Variants in UHRF2 observed in about 807,000 individuals in gnomAD.
The protein encoded by UHRF2 is ubiquitin like with PHD and ring finger domains 2, also known as E3 ubiquitin-protein ligase UHRF2.
A neutral mutation model predicts 96.8 loss-of-function variants in UHRF2; 23 were observed. The ratio of observed to expected loss-of-function variants is 0.24; its 90% CI spans 0.17 to 0.34. UHRF2 has a LOEUF of 0.34. Ranked by LOEUF, UHRF2 falls within the 10% of genes least tolerant of loss-of-function variation. UHRF2 has a pLI of 1.00. For synonymous variants in UHRF2, 385 were observed against 332.6 expected (o/e 1.16, Z -1.72); for missense variants, 685 against 981.5 (o/e 0.70, Z 4.04).
chr9:6,487,393 T>G (rs34905133), intron 9 of UHRF2, among the ~76,000 whole-genome samples: 4,746 of 151,738 alleles, frequency 0.031, 96 homozygotes, highest in Middle Eastern at 0.071. Context: ...TGAGGCGGAG[T>G]TTTACTCTTG....
At chr9:6,476,753 C>A (rs1823597841) in intron 5 of UHRF2, among the ~76,000 whole-genome samples, 1 of 152,028 alleles carries the variant, frequency 6.6e-6, no homozygotes, top group Non-Finnish European at 1.5e-5. Context: ...CACCACCATG[C>A]CTGGCTAACT....
At chr9:6,424,423 C>A (rs937519666) in intron 2 of UHRF2, among the ~76,000 whole-genome samples, 1 of 152,148 alleles carries the variant, frequency 6.6e-6, no homozygotes, top group Non-Finnish European at 1.5e-5. Context: ...CCATTTTTTT[C>A]TATATTACTC....
intron 3 of UHRF2, among the ~76,000 whole-genome samples, chr9:6,435,899 A>G (rs1285747704): frequency 2.6e-5 from 4 of 152,204 alleles, no homozygotes; most frequent in Non-Finnish European, 4.4e-5. Flanking sequence ...CTGAGCCACC[A>G]CGACCGGCCC....
chr9:6,492,456 G>A lies in UHRF2; in HGVS notation c.1498-1370G>A, dbSNP rs574235147. On this transcript the variant is annotated intron_variant, in intron 9 of 15. Coordinates refer to ENST00000276893, the MANE Select transcript of UHRF2 (RefSeq NM_152896.3). ...GAATACATACTAAAGATTAAGTTTC[G>A]TAATACCTTGTTTAAAAAATATGTA... 4.3e-4 allele frequency: 308 copies of A among 713,816 alleles called. 2 individuals are homozygous for A. The highest frequency in any genetic ancestry group is 9.6e-4 in the Middle Eastern group (2 of 2,094). 44.2% of individuals were successfully genotyped at this position (713,816 alleles called of 1,614,324 possible). A position where few individuals can be genotyped will look rare whatever the true frequency, so the allele number is the denominator to read the frequency against.
intron 3 of UHRF2, among the ~76,000 whole-genome samples, chr9:6,446,608 G>T (rs1821520140): frequency 6.6e-6 from 1 of 151,944 alleles, no homozygotes; most frequent in East Asian, 2.0e-4. Flanking sequence ...CAGCAGTTTG[G>T]GAGGCCAAGG....
rs193029979 is a variant in UHRF2, at chr9:6,476,636, C to A, written c.974-986C>A. On this transcript the variant is annotated intron_variant, in intron 5 of 15. Transcript: ENST00000276893. ...TTTGAGACAGTTTTGCTCTTGTTGCCCAGGCTGGAGTGCAGTGGCGCAATC... is the reference window on the plus strand; with the variant it reads ...TTTGAGACAGTTTTGCTCTTGTTGCACAGGCTGGAGTGCAGTGGCGCAATC... Among the ~76,000 whole-genome samples the A allele has an allele frequency of 9.2e-5, 14 of 152,124 alleles. No individual in the cohort carries two copies. The East Asian group carries it at 1.7e-3, about 19-fold the overall frequency.
intron 3 of UHRF2, among the ~76,000 whole-genome samples, chr9:6,445,124 CT>C (rs34219217): frequency 0.99 from 135,094 of 136,446 alleles, 66,887 homozygotes; most frequent in South Asian, 1. Flanking sequence ...AACCCTATCT[CT>C]TATTTAAAAA....
At chr9:6,475,816 A>G (rs1823533677) in intron 5 of UHRF2, among the ~76,000 whole-genome samples, 1 of 152,200 alleles carries the variant, frequency 6.6e-6, no homozygotes, top group Non-Finnish European at 1.5e-5. Flanking sequence ...TACAGTGTGT[A>G]AATGATCAAA....
chr9:6,466,353 C>T (rs142920195), intron 4 of UHRF2, among the ~76,000 whole-genome samples: 171 of 152,090 alleles, frequency 1.1e-3, no homozygotes, highest in African/African-American at 4.1e-3. Context: ...ACCTGGGCAA[C>T]GTGGTGAAAC....
At chr9:6,450,062 T>TC (rs1403707989) in intron 3 of UHRF2, among the ~76,000 whole-genome samples, 1 of 152,004 alleles carries the variant, frequency 6.6e-6, no homozygotes, top group Non-Finnish European at 1.5e-5. Context: ...TGTAGAGGAG[T>TC]CCTGTGAGTT....
At chr9:6,449,881 T>C (rs1821746374) in intron 3 of UHRF2, among the ~76,000 whole-genome samples, 2 of 152,248 alleles carry the variant, frequency 1.3e-5, no homozygotes, top group African/African-American at 4.8e-5. Flanking sequence ...GCATTAAGCA[T>C]GCCCTGTGTG....
chr9:6,446,901 T>A (rs907512587), intron 3 of UHRF2, among the ~76,000 whole-genome samples: 4 of 152,050 alleles, frequency 2.6e-5, no homozygotes, highest in South Asian at 4.2e-4. Flanking sequence ...GCATACTTTT[T>A]GTTTTGAGAC....
At chr9:6,441,358 G>A (rs934935961) in intron 3 of UHRF2, among the ~76,000 whole-genome samples, 1 of 151,304 alleles carries the variant, frequency 6.6e-6, no homozygotes, top group Non-Finnish European at 1.5e-5. Flanking sequence ...TGGGTGACAC[G>A]GTGAAAACCT....
chr9:6,500,231 G>C (rs886527029), intron 13 of UHRF2, among the ~76,000 whole-genome samples: 1 of 152,126 alleles, frequency 6.6e-6, no homozygotes, highest in Admixed American at 6.5e-5. Flanking sequence ...GCCTCCTAAA[G>C]TGCTGGGATT....
chr9:6,440,993 TA>T (rs2130788701), intron 3 of UHRF2, among the ~76,000 whole-genome samples: 1 of 152,354 alleles, frequency 6.6e-6, no homozygotes, highest in East Asian at 1.9e-4. Context: ...CCTATGATTC[TA>T]ATGTCTAGCC....
chr9:6,485,741 A>G (rs766471275), intron 8 of UHRF2, among the ~76,000 whole-genome samples: 1 of 128,608 alleles, frequency 7.8e-6, no homozygotes, highest in Non-Finnish European at 1.6e-5. Flanking sequence ...AGGCTGGAGG[A>G]TTGCTTGAGC....
intron 1 of UHRF2, among the ~76,000 whole-genome samples, chr9:6,420,291 GTCATCTGC>G (rs1323973188): frequency 1.3e-5 from 2 of 151,780 alleles, no homozygotes; most frequent in East Asian, 3.9e-4. Context: ...TCCTGACCTC[GTCATCTGC>G]TCTTTTCGGC....
intron 1 of UHRF2, among the ~76,000 whole-genome samples, chr9:6,416,890 T>C (rs1819641411): frequency 6.6e-6 from 1 of 152,176 alleles, no homozygotes; most frequent in Non-Finnish European, 1.5e-5. Context: ...ATTCTTTCAC[T>C]CCTTACCACT....
chr9:6,419,972 C>G (rs1330793918), intron 1 of UHRF2, among the ~76,000 whole-genome samples: 1 of 151,822 alleles, frequency 6.6e-6, no homozygotes, highest in African/African-American at 2.4e-5. Context: ...TGGTCTGGAG[C>G]TCCTGGGCTC....
Sources: gnomAD v4.1 joint callset for allele counts (sites outside exome capture counted in the v4.1 genomes callset) on GRCh38, gnomAD v4.1.1 for gene constraint, MANE v1.5 for transcripts, NCBI Gene and HGNC (gene_info 2026-07-23, HGNC 2026-07-21) for gene names.